DST: variants seen among roughly 807,000 people sequenced by gnomAD.
The protein encoded by DST is dystonin.
A neutral mutation model predicts 875.2 loss-of-function variants in DST; 253 were observed. That is an observed-to-expected ratio of 0.29 (90% CI 0.26 to 0.32). The LOEUF (loss-of-function observed/expected upper bound fraction) is 0.32, where lower values mean the gene tolerates loss of function less well. Ranked by LOEUF, DST falls within the 10% of genes least tolerant of loss-of-function variation. DST has a pLI of 1.00. For missense variants in DST, 8,287 were observed against 9,111.6 expected, an observed-to-expected ratio of 0.91 and a Z score of 3.68; for synonymous variants, 3,124 against 3,197.1, an observed-to-expected ratio of 0.98 and a Z score of 0.77.
chr6:56,711,583 A>G (rs1242008899), intron 5 of DST, among the ~76,000 whole-genome samples: 1 of 152,192 alleles, frequency 6.6e-6, no homozygotes, highest in Non-Finnish European at 1.5e-5. Flanking sequence ...ACTGAAAGGG[A>G]GAAATAAATT....
chr6:56,549,720 T>C (rs929466069), intron 61 of DST, among the ~76,000 whole-genome samples: 6 of 152,192 alleles, frequency 3.9e-5, no homozygotes, highest in African/African-American at 7.2e-5. Flanking sequence ...GCTAGTTTTA[T>C]AGAACATGTT....
intron 4 of DST, among the ~76,000 whole-genome samples, chr6:56,787,864 T>A (rs1438388959): frequency 6.6e-6 from 1 of 151,946 alleles, no homozygotes; most frequent in Non-Finnish European, 1.5e-5. Context: ...TGAGGCTGGG[T>A]GTGGTGGCTC....
At chr6:56,725,173 T>C (rs2099446114) in intron 5 of DST, among the ~76,000 whole-genome samples, 1 of 152,176 alleles carries the variant, frequency 6.6e-6, no homozygotes, top group Admixed American at 6.5e-5. Context: ...GAGTCTGTGC[T>C]TTTCCCCACC....
chr6:56,624,724 A>G (rs2098718625), intron 35 of DST, 96 bp from the exon 36 acceptor site: 9 of 790,756 alleles, frequency 1.1e-5, no homozygotes, highest in Non-Finnish European at 1.9e-5. Context: ...CTAGGCCTTC[A>G]GACAGCAAAG....
intron 9 of DST, among the ~76,000 whole-genome samples, chr6:56,698,101 T>C (rs1213022747): frequency 6.6e-6 from 1 of 152,130 alleles, no homozygotes; most frequent in Non-Finnish European, 1.5e-5. Flanking sequence ...AGCTGCCCTG[T>C]AGTCTGGCTG....
intron 9 of DST, among the ~76,000 whole-genome samples, chr6:56,698,741 T>C (rs2099277483): frequency 6.6e-6 from 1 of 152,262 alleles, no homozygotes; most frequent in Admixed American, 6.5e-5. Context: ...ATTGGTAAGA[T>C]GTACTGAGTG....
At chr6:56,498,078 G>A in intron 80 of DST, 25 bp from the exon 81 acceptor site, 1 of 1,586,904 alleles carries the variant, frequency 6.3e-7, no homozygotes. Flanking sequence ...ATAACACCAT[G>A]TTTGCTAGTT....
intron 73 of DST, among the ~76,000 whole-genome samples, chr6:56,510,819 T>C (rs934518006): frequency 3.3e-5 from 5 of 152,232 alleles, no homozygotes; most frequent in African/African-American, 9.6e-5. Context: ...TCATTTAGCC[T>C]ATCATTCTTT....
chr6:56,734,686 A>G (rs896220315), intron 5 of DST, among the ~76,000 whole-genome samples: 1 of 152,254 alleles, frequency 6.6e-6, no homozygotes, highest in Non-Finnish European at 1.5e-5. Flanking sequence ...CCCATGGTAC[A>G]CAAGTAAATA....
chr6:56,630,852 G>A (rs1007012175), intron 30 of DST, among the ~76,000 whole-genome samples: 2 of 150,312 alleles, frequency 1.3e-5, no homozygotes, highest in East Asian at 2.0e-4. Flanking sequence ...GCGCGATATC[G>A]GCTCACTGCA....
chr6:56,535,090 T>G, intron 63 of DST, 32 bp downstream of exon 63: 1 of 1,605,264 alleles, frequency 6.2e-7, no homozygotes, highest in Non-Finnish European at 8.5e-7. Flanking sequence ...AGATTTAATA[T>G]GAAACGCAAT....
In DST at chr6:56,605,460, A is replaced by G; in HGVS notation, c.9168T>C (p.Gly3056=). 4 of 1,612,876 alleles carry G rather than the reference A, an allele frequency of 2.5e-6. 1 individual carries two copies. In the Middle Eastern group the frequency reaches 6.6e-4, roughly 267 times the overall value. ...DETSIQKMYL[G]EGEVLVEGLV... ...GACCTTCTACAAGCACTTCTCCTTC[A>G]CCCAAGTACATTTTCTGAATTGATG... Residue 3056 remains glycine, a synonymous_variant, in exon 40 of 104, where the codon GGT becomes GGC. Coordinates refer to ENST00000680361, the MANE Select transcript of DST (RefSeq NM_001374736.1).
chr6:56,621,162 T>C (rs1468927540), intron 36 of DST, among the ~76,000 whole-genome samples: 1 of 152,108 alleles, frequency 6.6e-6, no homozygotes, highest in South Asian at 2.1e-4. Context: ...ACCCAACACA[T>C]AGGAACCAAA....
At chr6:56,650,348 A>AAAAAAAAAT (rs2098968226) in intron 12 of DST, among the ~76,000 whole-genome samples, 1 of 150,156 alleles carries the variant, frequency 6.7e-6, no homozygotes, top group African/African-American at 2.5e-5. Flanking sequence ...AAAAAAAAAA[A>AAAAAAAAAT]GCATCACTGA....
chr6:56,517,434 C>T, intron 70 of DST, 67 bp downstream of exon 70: 13 of 1,597,700 alleles, frequency 8.1e-6, no homozygotes, highest in Middle Eastern at 1.7e-4. Flanking sequence ...ATCATACAAG[C>T]ACATTTTATA....
At chr6:56,620,577 G>A (rs371714604) in intron 36 of DST, 1 of 1,613,876 alleles carries the variant, frequency 6.2e-7, no homozygotes, top group Middle Eastern at 1.6e-4. Flanking sequence ...CGGGACTTTT[G>A]TTTCTTTAGT....
At chr6:56,627,082 C>CA in intron 34 of DST, 122 bp downstream of exon 34, 2 of 791,770 alleles carry the variant, frequency 2.5e-6, no homozygotes, top group Non-Finnish European at 4.3e-6. Context: ...AGATAAGTGT[C>CA]AAAAAAGTTC....
intron 4 of DST, among the ~76,000 whole-genome samples, chr6:56,768,188 A>G (rs1183341526): frequency 1.3e-5 from 2 of 152,234 alleles, no homozygotes; most frequent in Admixed American, 1.3e-4. Context: ...AATATTTACC[A>G]AGTGCTTATT....
At chr6:56,753,958 C>T (rs2099595283) in intron 4 of DST, among the ~76,000 whole-genome samples, 4 of 152,114 alleles carry the variant, frequency 2.6e-5, no homozygotes, top group African/African-American at 9.7e-5. Context: ...AGTGAAATGT[C>T]CATGGTTCCA....
Sources: allele counts gnomAD v4.1 joint callset (sites outside exome capture counted in the v4.1 genomes callset), GRCh38; gene constraint gnomAD v4.1.1; transcripts MANE v1.5; gene names NCBI Gene and HGNC (gene_info 2026-07-23, HGNC 2026-07-21).